Variants in KRT25 observed in about 807,000 individuals in gnomAD.
KRT25 encodes keratin, type I cytoskeletal 25.
In KRT25, 37 loss-of-function variants were observed where a neutral mutation model predicts 47.6. That is an observed-to-expected ratio of 0.78 (90% CI 0.60 to 1.02). KRT25 has a LOEUF of 1.02. KRT25 is among the 50% of genes least tolerant of loss of function. The pLI is 0.00. For synonymous variants in KRT25, 203 were observed against 210.2 expected (o/e 0.97, Z 0.30); for missense variants, 542 against 550.3 (o/e 0.98, Z 0.15).
rs200119483 is a variant in KRT25 at position 40,748,253 on chromosome 17, A to C, written c.*24T>G. The C allele has an allele frequency of 1.1e-5, 16 of 1,497,076 alleles. No homozygotes were observed. In the East Asian group the frequency reaches 2.7e-4, roughly 25 times the overall value. 92.7% of individuals were successfully genotyped at this position (1,497,076 alleles called of 1,614,324 possible). ...CTTTTCTTCGCAGGGGCTATGTGGC[A>C]TACGTTCTCTGTTGCATCTCAAATT... On this transcript the variant is annotated 3_prime_UTR_variant, in exon 8 of 8. Transcript: ENST00000312150.
In KRT25 at chr17:40,751,043, C is replaced by T. The variant is rs1052381980; in HGVS notation, c.868G>A (p.Gly290Arg). Residue 290 changes from glycine (G) to arginine (R), a missense_variant, in exon 5 of 8, where the codon GGA becomes AGA. Coordinates refer to ENST00000312150, the MANE Select transcript of KRT25 (RefSeq NM_181534.4). ...SLQQQISEDV[G>R]ATTSARNELT... is the part of the protein sequence containing the mutation. Reference sequence around the variant, plus strand: ...TCATTCCGGGCTGAGGTTGTGGCTCCGACATCCTCAGAGATCTGCTGCTGC... The same window carrying T: ...TCATTCCGGGCTGAGGTTGTGGCTCTGACATCCTCAGAGATCTGCTGCTGC... The T allele has an allele frequency of 5.0e-6, 8 of 1,613,992 alleles. No individual in the cohort carries two copies. The highest frequency in any genetic ancestry group is 1.7e-5 in the Admixed American group (1 of 60,004).
At chr17:40,752,765 A>G (rs1320392868) in intron 3 of KRT25, among the ~76,000 whole-genome samples, 1 of 152,200 alleles carries the variant, frequency 6.6e-6, no homozygotes, top group Non-Finnish European at 1.5e-5. Flanking sequence ...AATGTTATTC[A>G]AGTAGTTATA....
At position 40,750,574 on chromosome 17, in the gene KRT25, C is replaced by T. The variant is rs1035364161; in HGVS notation, c.981G>A (p.Leu327=). Residue 327 remains leucine, a synonymous_variant, in exon 6 of 8, where the codon TTG becomes TTA. Transcript: ENST00000312150. ...LATKHSLECS[L]TETESNYCAQ... ...CACAGTAGTTGCTCTCGGTCTCTGT[C>T]AAGGAGCACTCCAGGGAGTGTTTCT... The T allele has an allele frequency of 6.2e-7, 1 of 1,614,104 alleles. No homozygotes were observed. The highest frequency in any genetic ancestry group is 1.7e-5 in the Admixed American group (1 of 60,014).
chr17:40,754,079 G>A lies in KRT25; in HGVS notation c.513-63C>T, dbSNP rs1048224938. ...GTTGGAGACATAGTCACTAGTCACT[G>A]ATCAATGACAAATGCTAGCATTCTG... is the stretch of plus-strand genomic sequence containing the variant. On this transcript the variant is annotated intron_variant, in intron 2 of 7. Transcript: ENST00000312150. 7 of 1,480,024 alleles carry A rather than the reference G, an allele frequency of 4.7e-6. No individual in the cohort carries two copies. In the African/African-American group the frequency reaches 9.8e-5, roughly 21 times the overall value. The allele number at this position is 1,480,024 out of a possible 1,614,324, so 91.7% of individuals were successfully genotyped here. A position where few individuals can be genotyped will look rare whatever the true frequency, so the allele number is the denominator to read the frequency against.
chr17:40,754,209 C>T (rs996813348), intron 2 of KRT25, among the ~76,000 whole-genome samples, 177 bp downstream of exon 2: 13 of 152,090 alleles, frequency 8.5e-5, no homozygotes, highest in Non-Finnish European at 1.6e-4. Context: ...GGGTATTGGG[C>T]GCTAGTTTTA....
intron 5 of KRT25, 44 bp from the exon 6 acceptor site, chr17:40,750,641 A>G: frequency 2.5e-6 from 4 of 1,606,822 alleles, no homozygotes; most frequent in Non-Finnish European, 2.6e-6. Context: ...ATATGCAGAT[A>G]TGCAGGGATT....
intron 3 of KRT25, among the ~76,000 whole-genome samples, chr17:40,752,042 G>A (rs528304161): frequency 1.3e-5 from 2 of 152,174 alleles, no homozygotes; most frequent in South Asian, 4.2e-4. Context: ...CTGCCCTATA[G>A]TGGCTAGTGA....
At position 40,750,587 on chromosome 17, in the gene KRT25, A is replaced by G; in HGVS notation, c.968T>C (p.Leu323Pro). Residue 323 changes from leucine to proline, a missense_variant, in exon 6 of 8, where the codon CTG (leucine) becomes CCG (proline). By Grantham distance (98) the Leu-to-Pro change is moderately conservative (BLOSUM62 -3). Transcript: ENST00000312150. The part of the protein sequence containing the change: ...LQSLLATKHS[L>P]ECSLTETESN... The stretch of plus-strand genomic sequence containing the variant: ...CTCGGTCTCTGTCAAGGAGCACTCC[A>G]GGGAGTGTTTCTGTCAGGAAGCAAT... The G allele has an allele frequency of 6.2e-7, 1 of 1,614,214 alleles. No homozygotes were observed. The highest frequency in any genetic ancestry group is 8.5e-7 in the Non-Finnish European group (1 of 1,180,024).
intron 3 of KRT25, 137 bp from the exon 4 acceptor site, chr17:40,751,463 G>T: frequency 1.1e-6 from 1 of 876,646 alleles, no homozygotes; most frequent in Non-Finnish European, 1.7e-6. Context: ...CACCACATTT[G>T]ATACTTCCTG....
chr17:40,754,678 G>A lies in KRT25; in HGVS notation c.429+165C>T, dbSNP rs540711890. Among the ~76,000 whole-genome samples the A allele has an allele frequency of 3.3e-4, 42 of 128,758 alleles. 3 individuals carry two copies. Among genetic ancestry groups the A allele is most frequent in the African/African-American group, 1.1e-3 (35 of 31,986 alleles). 84.5% of individuals were successfully genotyped at this position (128,758 alleles called of 152,430 possible). A position where few individuals can be genotyped will look rare whatever the true frequency, so the allele number is the denominator to read the frequency against. On this transcript the variant is annotated intron_variant, in intron 1 of 7. Coordinates refer to ENST00000312150, the MANE Select transcript of KRT25 (RefSeq NM_181534.4). The stretch of plus-strand genomic sequence containing the variant: ...GGTTGCAGTGAGCCAAGATCCCACG[G>A]TTGCACTCCAGCCTGGGCAACAAGA...
Position 40,748,172 on chromosome 17 carries a change from A to C in KRT25, c.*105T>G, listed in dbSNP as rs1399985539. The stretch of plus-strand genomic sequence containing the variant: ...CCCAGAAAGAAAGTAACAGAAAGAC[A>C]ACAGGTTAGACATTTTTCTTAGACA... On this transcript the variant is annotated 3_prime_UTR_variant, in exon 8 of 8. Transcript: ENST00000312150. 2 of 671,702 alleles carry C rather than the reference A, an allele frequency of 3.0e-6. No homozygotes were observed. The highest frequency in any genetic ancestry group is 5.6e-5 in the Admixed American group (2 of 35,842). 41.6% of individuals were successfully genotyped at this position (671,702 alleles called of 1,614,324 possible). A position where few individuals can be genotyped will look rare whatever the true frequency, so the allele number is the denominator to read the frequency against.
rs543261135 is a variant in KRT25 at position 40,755,022 on chromosome 17, G to T, written c.250C>A (p.Gln84Lys). Residue 84 changes from glutamine (Q) to lysine (K), a missense_variant, in exon 1 of 8, where the codon CAG (glutamine) becomes AAG (lysine). Physicochemically the swap from Gln to Lys is moderately conservative, Grantham distance 53 (BLOSUM62 1). Coordinates refer to ENST00000312150, the MANE Select transcript of KRT25 (RefSeq NM_181534.4). ...LLSGNEKVTMQNLNDRLASYL... is the reference protein window; with the variant it reads ...LLSGNEKVTMKNLNDRLASYL... The stretch of plus-strand genomic sequence containing the variant: ...GATGCCAGGCGGTCATTGAGGTTCT[G>T]CATGGTCACCTTCTCATTGCCAGAA... The T allele has an allele frequency of 6.2e-7, 1 of 1,614,158 alleles. No homozygotes were observed. The highest frequency in any genetic ancestry group is 2.2e-5 in the East Asian group (1 of 44,870).
rs753281477 is a variant in KRT25, at chr17:40,754,931, C to T, written c.341G>A (p.Trp114Ter). 10 of 1,614,004 alleles carry T rather than the reference C, an allele frequency of 6.2e-6. No individual in the cohort carries two copies. Among genetic ancestry groups the T allele is most frequent in the Admixed American group, 1.7e-5 (1 of 59,992 alleles). ...AGAGCCAGGCCCAAATTTCTCATAC[C>T]AGCCCTTGATCTTCTGCTCCAGGTC... The part of the protein sequence containing the change: ...NADLEQKIKG[W>*]YEKFGPGSCR... The change falls in exon 1 of 8, where the codon TGG becomes TAG. Residue 114 changes from tryptophan to a stop codon, truncating the protein, a stop_gained. Coordinates refer to ENST00000312150, the MANE Select transcript of KRT25 (RefSeq NM_181534.4). LOFTEE classifies it high-confidence loss of function.
At chr17:40,751,465 T>TA in intron 3 of KRT25, 139 bp from the exon 4 acceptor site, 1 of 876,424 alleles carries the variant, frequency 1.1e-6, no homozygotes, top group Middle Eastern at 2.6e-4. Flanking sequence ...CCACATTTGA[T>TA]ACTTCCTGTC....
At chr17:40,750,802 T>G in intron 5 of KRT25, 152 bp downstream of exon 5, 1 of 1,208,674 alleles carries the variant, frequency 8.3e-7, no homozygotes, top group Non-Finnish European at 1.2e-6. Context: ...CGTGTAGTTT[T>G]AGGTGTCAGC....
rs1440281351 is a variant in KRT25 at position 40,748,273 on chromosome 17, C to T, written c.*4G>A. 1 of 1,599,548 alleles carries T rather than the reference C, an allele frequency of 6.3e-7. No individual in the cohort carries two copies. Among genetic ancestry groups the T allele is most frequent in the Non-Finnish European group, 8.6e-7 (1 of 1,169,254 alleles). On this transcript the variant is annotated 3_prime_UTR_variant, in exon 8 of 8. Coordinates refer to ENST00000312150, the MANE Select transcript of KRT25 (RefSeq NM_181534.4). ...GTGGCATACGTTCTCTGTTGCATCT[C>T]AAATTAATTGCTTTGAGATTTCTCT... is the stretch of plus-strand genomic sequence containing the variant.
At position 40,750,415 on chromosome 17, in the gene KRT25, A is replaced by C. The variant is rs1300697564; in HGVS notation, c.1140T>G (p.Ile380Met). The change falls in exon 6 of 8, where the codon ATT (isoleucine) becomes ATG (methionine). Residue 380 changes from isoleucine to methionine, a missense_variant. Physicochemically the swap from Ile to Met is conservative, Grantham distance 10. Coordinates refer to ENST00000312150, the MANE Select transcript of KRT25 (RefSeq NM_181534.4). ...CTCCTATAAGGAGACAGTAGGTCTC[A>C]ATTTCTTTTTCCAGGTGGAGCTTGA... ...LDIKLHLEKE[I>M]ETYCLLIGGD... The C allele has an allele frequency of 2.5e-6, 4 of 1,613,800 alleles. No individual in the cohort carries two copies. Among genetic ancestry groups the C allele is most frequent in the Non-Finnish European group, 3.4e-6 (4 of 1,179,860 alleles).
rs773622362 is a variant in KRT25 at position 40,755,010 on chromosome 17, C to A, written c.262G>T (p.Asp88Tyr). 2 of 1,614,172 alleles carry A rather than the reference C, an allele frequency of 1.2e-6. No homozygotes were observed. The highest frequency in any genetic ancestry group is 2.2e-5 in the South Asian group (2 of 91,078). Residue 88 changes from aspartate to tyrosine, a missense_variant, in exon 1 of 8, where the codon GAC becomes TAC. Physicochemically the swap from Asp to Tyr is radical, Grantham distance 160. Coordinates refer to ENST00000312150, the MANE Select transcript of KRT25 (RefSeq NM_181534.4). ...NEKVTMQNLNDRLASYLDSVH... is the reference protein window; with the variant it reads ...NEKVTMQNLNYRLASYLDSVH... The stretch of plus-strand genomic sequence containing the variant: ...CTGTCCAGGTAGGATGCCAGGCGGT[C>A]ATTGAGGTTCTGCATGGTCACCTTC...
intron 6 of KRT25, among the ~76,000 whole-genome samples, chr17:40,749,797 G>A (rs1165962680): frequency 2.0e-5 from 3 of 152,016 alleles, no homozygotes; most frequent in African/African-American, 7.3e-5. Context: ...TCCTAAGTGG[G>A]GTTTTCTCTG....
Sources: allele counts gnomAD v4.1 joint callset (sites outside exome capture counted in the v4.1 genomes callset), GRCh38; gene constraint gnomAD v4.1.1; transcripts MANE v1.5; gene names NCBI Gene and HGNC (gene_info 2026-07-23, HGNC 2026-07-21).